The following ENTREP2 variants were observed in gnomAD, a reference collection of about 807,000 sequenced individuals.
ENTREP2 encodes the protein endosomal transmembrane epsin interactor 2.
chr15:29,562,733 G>T, the ENTREP2 span, among the ~76,000 whole-genome samples: 1 of 152,030 alleles, frequency 6.6e-6, no homozygotes, highest in East Asian at 1.9e-4. Flanking sequence ...CCAAGGGAGG[G>T]TTCTGTCTAT....
chr15:29,198,852 A>C, the ENTREP2 span, among the ~76,000 whole-genome samples: 2 of 152,372 alleles, frequency 1.3e-5, no homozygotes, highest in South Asian at 4.1e-4. Flanking sequence ...TACAAATAGA[A>C]TCATACAATA....
chr15:29,666,929 G>C, the ENTREP2 span, among the ~76,000 whole-genome samples: 1 of 152,122 alleles, frequency 6.6e-6, no homozygotes, highest in Non-Finnish European at 1.5e-5. Context: ...TCAGCTTCTG[G>C]TGGTTCCCAT....
the ENTREP2 span, among the ~76,000 whole-genome samples, chr15:29,163,149 G>C: frequency 6.6e-5 from 10 of 152,262 alleles, no homozygotes; most frequent in African/African-American, 2.4e-4. Context: ...TGGGACAAAA[G>C]AATCTGAACA....
the ENTREP2 span, among the ~76,000 whole-genome samples, chr15:29,356,857 G>A: frequency 6.6e-6 from 1 of 152,082 alleles, no homozygotes; most frequent in Non-Finnish European, 1.5e-5. Flanking sequence ...CAATAAGGGA[G>A]TCTTTCATAA....
chr15:29,349,468 T>A, the ENTREP2 span, among the ~76,000 whole-genome samples: 7 of 152,220 alleles, frequency 4.6e-5, no homozygotes, highest in Non-Finnish European at 7.3e-5. Flanking sequence ...CATGGCATAC[T>A]GGCAAACTGG....
At chr15:29,193,088 C>A in the ENTREP2 span, among the ~76,000 whole-genome samples, 63 of 152,254 alleles carry the variant, frequency 4.1e-4, no homozygotes, top group African/African-American at 1.5e-3. Context: ...CAACACTCTA[C>A]GGGGCGGTCT....
the ENTREP2 span, among the ~76,000 whole-genome samples, chr15:29,163,395 T>G: frequency 6.6e-6 from 1 of 151,486 alleles, no homozygotes. Flanking sequence ...TGAAGCTCAA[T>G]GCAAGGAAAT....
chr15:29,337,187 C>G, the ENTREP2 span, among the ~76,000 whole-genome samples: 5 of 152,180 alleles, frequency 3.3e-5, no homozygotes, highest in African/African-American at 7.2e-5. Context: ...GGCTGGGTCT[C>G]AGTTTATTGA....
At chr15:29,471,879 T>C in the ENTREP2 span, among the ~76,000 whole-genome samples, 212 of 152,244 alleles carry the variant, frequency 1.4e-3, 2 homozygotes, top group African/African-American at 4.9e-3. Context: ...GGGGCCCTGA[T>C]CCAGCAGCCC....
the ENTREP2 span, among the ~76,000 whole-genome samples, chr15:29,318,051 T>G: frequency 6.6e-6 from 1 of 152,178 alleles, no homozygotes; most frequent in Non-Finnish European, 1.5e-5. Context: ...GTGTAAATTT[T>G]CCGCGTTTCC....
chr15:29,272,307 T>G, the ENTREP2 span, among the ~76,000 whole-genome samples: 3 of 152,268 alleles, frequency 2.0e-5, no homozygotes, highest in South Asian at 6.2e-4. Flanking sequence ...ATACTAACAT[T>G]AGTAACAATA....
the ENTREP2 span, among the ~76,000 whole-genome samples, chr15:29,247,727 C>T: frequency 7.9e-5 from 10 of 127,060 alleles, no homozygotes; most frequent in South Asian, 1.2e-3. Flanking sequence ...ACTTTGTTTC[C>T]GGTATGTCTG....
chr15:29,418,318 T>C, the ENTREP2 span, among the ~76,000 whole-genome samples: 1 of 152,272 alleles, frequency 6.6e-6, no homozygotes, highest in South Asian at 2.1e-4. Context: ...AGTGGTAGCA[T>C]TTAACTAACA....
the ENTREP2 span, among the ~76,000 whole-genome samples, chr15:29,447,924 G>A: frequency 6.6e-6 from 1 of 152,078 alleles, no homozygotes; most frequent in East Asian, 1.9e-4. Flanking sequence ...AAATTAGCTG[G>A]GCGTGGTGGC....
At chr15:29,440,426 G>A in the ENTREP2 span, among the ~76,000 whole-genome samples, 1 of 152,050 alleles carries the variant, frequency 6.6e-6, no homozygotes. Context: ...AGTATGCATT[G>A]ATCATAAAAT....
the ENTREP2 span, among the ~76,000 whole-genome samples, chr15:29,540,552 G>A: frequency 1.5e-4 from 23 of 152,316 alleles, no homozygotes; most frequent in African/African-American, 5.5e-4. Context: ...TAAACACGCC[G>A]AGACAGGTAG....
the ENTREP2 span, among the ~76,000 whole-genome samples, chr15:29,588,439 G>C: frequency 6.6e-6 from 1 of 151,492 alleles, no homozygotes; most frequent in Non-Finnish European, 1.5e-5. Flanking sequence ...CTGTATTCCA[G>C]CCTGGGCAGC....
the ENTREP2 span, among the ~76,000 whole-genome samples, chr15:29,246,113 C>T: frequency 3.3e-5 from 5 of 152,156 alleles, no homozygotes; most frequent in African/African-American, 7.2e-5. Context: ...ACTATTCAAT[C>T]GGGCACAGTG....
chr15:29,387,938 C>T, the ENTREP2 span, among the ~76,000 whole-genome samples: 2 of 152,188 alleles, frequency 1.3e-5, no homozygotes, highest in East Asian at 3.9e-4. Flanking sequence ...GAAACTGGAT[C>T]CCTTCCTTAT....
Sources: allele counts gnomAD v4.1 joint callset (sites outside exome capture counted in the v4.1 genomes callset), GRCh38; gene constraint gnomAD v4.1.1; transcripts MANE v1.5; gene names NCBI Gene and HGNC (gene_info 2026-07-23, HGNC 2026-07-21).